FGFR2: variants seen among roughly 807,000 people sequenced by gnomAD.
The protein encoded by FGFR2 is BEK fibroblast growth factor receptor.
Under a neutral mutation model 95.9 loss-of-function variants are expected in FGFR2, and 19 were observed. The ratio of observed to expected loss-of-function variants is 0.20; its 90% CI spans 0.14 to 0.29. The LOEUF is 0.29. Ranked by LOEUF, FGFR2 falls within the 10% of genes least tolerant of loss-of-function variation. The pLI is 1.00. For synonymous variants in FGFR2, 392 were observed against 393.3 expected (o/e 1.00, Z 0.04); for missense variants, 707 against 1,056.9 (o/e 0.67, Z 4.59).
rs1474262688 is a variant in FGFR2, at chr10:121,593,695, A to G, written c.109+14T>C. On this transcript the variant is annotated intron_variant, in intron 2 of 17. Coordinates refer to ENST00000358487, the MANE Select transcript of FGFR2 (RefSeq NM_000141.5). ...TCCCAAAACAAACCTGAAAAGTGAA[A>G]TTAAATGACTTACCTTCTGGCTCTA... The G allele has an allele frequency of 3.1e-6, 5 of 1,611,602 alleles. No homozygotes were observed. The highest frequency in any genetic ancestry group is 3.4e-6 in the Non-Finnish European group (4 of 1,177,714).
At chr10:121,508,437 T>C (rs929921552) in intron 9 of FGFR2, among the ~76,000 whole-genome samples, 4 of 152,042 alleles carry the variant, frequency 2.6e-5, no homozygotes, top group African/African-American at 9.7e-5. Context: ...AAATTTAACA[T>C]TCAGTCTGAA....
At chr10:121,508,354 AG>A (rs1440333529) in intron 9 of FGFR2, among the ~76,000 whole-genome samples, 1 of 152,224 alleles carries the variant, frequency 6.6e-6, no homozygotes, top group Non-Finnish European at 1.5e-5. Flanking sequence ...GAATCATCTC[AG>A]GGCAGGAGGA....
rs532340223 is a variant in FGFR2, at chr10:121,536,412, T to C, written c.748+2180A>G. Among the ~76,000 whole-genome samples the C allele has an allele frequency of 2.4e-4, 37 of 152,342 alleles. No individual in the cohort carries two copies. The East Asian group carries it at 3.5e-3, about 14-fold the overall frequency. ...ATTCCCAACCAGCATTGTGTCATTATTGGCCCGTGTTTAGCTGGGCGATCT... is the reference window on the plus strand; with the variant it reads ...ATTCCCAACCAGCATTGTGTCATTACTGGCCCGTGTTTAGCTGGGCGATCT... On this transcript the variant is annotated intron_variant, in intron 6 of 17. Coordinates refer to ENST00000358487, the MANE Select transcript of FGFR2 (RefSeq NM_000141.5).
intron 4 of FGFR2, among the ~76,000 whole-genome samples, chr10:121,557,545 C>T (rs1856328982): frequency 6.6e-6 from 1 of 152,136 alleles, no homozygotes; most frequent in African/African-American, 2.4e-5. Flanking sequence ...TGGGTATACA[C>T]GATCCTCCTG....
chr10:121,557,086 C>A lies in FGFR2; in HGVS notation c.455-5627G>T, dbSNP rs144127829. ...CTTGCTAACCAGCCAGGCATTCAAT[C>A]AGAAATATATGTTTTCAAAACCAAG... is the stretch of plus-strand genomic sequence containing the variant. On this transcript the variant is annotated intron_variant, in intron 4 of 17. Coordinates refer to ENST00000358487, the MANE Select transcript of FGFR2 (RefSeq NM_000141.5). Among the ~76,000 whole-genome samples, 68 of 152,300 alleles carry A rather than the reference C, an allele frequency of 4.5e-4. No individual in the cohort carries two copies. The East Asian group carries it at 0.013, about 29-fold the overall frequency.
chr10:121,547,144 A>G lies in FGFR2; in HGVS notation c.624+4146T>C, dbSNP rs183440981. Among the ~76,000 whole-genome samples, 346 of 152,282 alleles carry G rather than the reference A, an allele frequency of 2.3e-3. 1 individual carries two copies. The highest frequency in any genetic ancestry group is 4.1e-3 in the Non-Finnish European group (276 of 68,040). On this transcript the variant is annotated intron_variant, in intron 5 of 17. Transcript: ENST00000358487. ...GAGGCTGAGACAGGAAAATCGCTTGAACCCGGGAGGCAGAGGTTACAGTGT... is the reference window on the plus strand; with the variant it reads ...GAGGCTGAGACAGGAAAATCGCTTGGACCCGGGAGGCAGAGGTTACAGTGT...
intron 2 of FGFR2, among the ~76,000 whole-genome samples, chr10:121,586,402 G>A (rs1861840085): frequency 1.3e-5 from 2 of 152,168 alleles, no homozygotes; most frequent in Non-Finnish European, 2.9e-5. Context: ...ATTCCATTCT[G>A]AAATGAATTG....
intron 2 of FGFR2, among the ~76,000 whole-genome samples, chr10:121,570,534 T>A (rs1311086692): frequency 6.6e-6 from 1 of 152,206 alleles, no homozygotes; most frequent in Non-Finnish European, 1.5e-5. Context: ...TGTGAGCACT[T>A]CCTGGATTTA....
In FGFR2 at chr10:121,495,156, C is replaced by T. The variant is rs115559217; in HGVS notation, c.1863+1376G>A. On this transcript the variant is annotated intron_variant, in intron 13 of 17. Coordinates refer to ENST00000358487, the MANE Select transcript of FGFR2 (RefSeq NM_000141.5). Reference sequence around the variant, plus strand: ...AGATTGGCAAACTACCCTACATACACGCACACACACGCACGTGTACGTAAA... The same window carrying T: ...AGATTGGCAAACTACCCTACATACATGCACACACACGCACGTGTACGTAAA... Among the ~76,000 whole-genome samples the T allele has an allele frequency of 4.8e-3, 729 of 152,244 alleles. 7 individuals carry two copies. Among genetic ancestry groups the T allele is most frequent in the African/African-American group, 0.017 (690 of 41,534 alleles).
chr10:121,518,040 G>C lies in FGFR2; in HGVS notation c.940-577C>G. On this transcript the variant is annotated intron_variant, in intron 7 of 17. Transcript: ENST00000358487. The surrounding 1 kb of genome is among the most constrained non-coding windows in gnomAD (Gnocchi z 4.0). ...CATTGACAAAAAGAAATGGAAGCAA[G>C]CATCATCTTGGTAACCAAAAAAACT... 2.0e-6 allele frequency: 1 copy of C among 498,492 alleles called. No individual in the cohort carries two copies. Among genetic ancestry groups the C allele is most frequent in the Non-Finnish European group, 3.9e-6 (1 of 254,730 alleles). The allele number at this position is 498,492 out of a possible 1,614,324, so 30.9% of individuals were successfully genotyped here.
rs397845871 is a variant in FGFR2 at position 121,570,995 on chromosome 10, CT to C, written c.110-5292del. 4.6e-4 allele frequency among the ~76,000 whole-genome samples: 67 copies of C among 147,130 alleles called. 1 individual carries two copies. The highest frequency in any genetic ancestry group is 2.3e-3 in the Admixed American group (34 of 14,702). Reference sequence around the variant, plus strand: ...CGTGTTAGCAAGCAGCCTTTTTTTTCTTTTTTTTTTTGAGACGGAGTCTGGC... The same window carrying C: ...CGTGTTAGCAAGCAGCCTTTTTTTTCTTTTTTTTTTGAGACGGAGTCTGGC... On this transcript the variant is annotated intron_variant, in intron 2 of 17. Transcript: ENST00000358487.
chr10:121,558,985 G>A (rs1229643268), intron 4 of FGFR2, among the ~76,000 whole-genome samples: 3 of 152,000 alleles, frequency 2.0e-5, no homozygotes, highest in South Asian at 4.1e-4. Flanking sequence ...AGCTGAGCTT[G>A]CCTTCTTATG....
At chr10:121,499,873 C>CA (rs1847365975) in intron 11 of FGFR2, among the ~76,000 whole-genome samples, 1 of 152,124 alleles carries the variant, frequency 6.6e-6, no homozygotes, top group South Asian at 2.1e-4. Flanking sequence ...TTAAAAAACC[C>CA]AAAAAACAAA....
At chr10:121,491,294 A>G (rs1262307376) in intron 13 of FGFR2, among the ~76,000 whole-genome samples, 1 of 152,070 alleles carries the variant, frequency 6.6e-6, no homozygotes, top group Admixed American at 6.5e-5. Flanking sequence ...ACCCGAGAAA[A>G]AGAAAGTAAT....
intron 2 of FGFR2, among the ~76,000 whole-genome samples, chr10:121,580,553 G>C (rs1009318145): frequency 1.3e-5 from 2 of 152,162 alleles, no homozygotes; most frequent in African/African-American, 4.8e-5. Context: ...GGAATGACCT[G>C]GAGGAAAGGT....
In FGFR2 at chr10:121,496,590, T is replaced by C. The variant is rs1846842548; in HGVS notation, c.1805A>G (p.Asp602Gly). 1.2e-6 allele frequency: 2 copies of C among 1,613,682 alleles called. No homozygotes were observed. Among genetic ancestry groups the C allele is most frequent in the African/African-American group, 2.7e-5 (2 of 74,840 alleles). Reference sequence around the variant, plus strand: ...CAGCTGGTAGGTGCATGACACCAAGTCCTTGAAGGTCATCTGCTCCTCAGG... The same window carrying C: ...CAGCTGGTAGGTGCATGACACCAAGCCCTTGAAGGTCATCTGCTCCTCAGG... ...RVPEEQMTFK[D>G]LVSCTYQLAR... Residue 602 changes from aspartate (D) to glycine (G), a missense_variant, in exon 13 of 18, where the codon GAC becomes GGC. Coordinates refer to ENST00000358487, the MANE Select transcript of FGFR2 (RefSeq NM_000141.5).
chr10:121,526,673 G>A, intron 6 of FGFR2: 1 of 398,588 alleles, frequency 2.5e-6, no homozygotes, highest in Non-Finnish European at 4.4e-6. Flanking sequence ...CAGTATCTTG[G>A]CTTGTCACCT....
At chr10:121,486,682 C>T (rs1589718317) in intron 15 of FGFR2, among the ~76,000 whole-genome samples, 1 of 152,212 alleles carries the variant, frequency 6.6e-6, no homozygotes, top group Non-Finnish European at 1.5e-5. Context: ...CCTCGTGATC[C>T]ACCCGCCTTG....
At chr10:121,540,516 TGC>T (rs1853554320) in intron 5 of FGFR2, among the ~76,000 whole-genome samples, 1 of 152,148 alleles carries the variant, frequency 6.6e-6, no homozygotes, top group Non-Finnish European at 1.5e-5. Flanking sequence ...GATCCCTGGG[TGC>T]TACAACGGCA....
Sources: gnomAD v4.1 joint callset for allele counts (sites outside exome capture counted in the v4.1 genomes callset) on GRCh38, gnomAD v4.1.1 for gene constraint, Gnocchi (gnomAD v3.1) non-coding constraint, MANE v1.5 for transcripts, NCBI Gene and HGNC (gene_info 2026-07-23, HGNC 2026-07-21) for gene names.